The following CLPB variants were observed in gnomAD, a reference collection of about 807,000 sequenced individuals.
CLPB encodes ClpB family mitochondrial disaggregase, also known as mitochondrial disaggregase.
A neutral mutation model predicts 78.4 loss-of-function variants in CLPB; 40 were observed. The observed-to-expected ratio is 0.51, with a 90% CI of 0.40 to 0.66. The LOEUF (loss-of-function observed/expected upper bound fraction) is 0.66. Among genes scored for constraint, CLPB ranks in the 30% least tolerant of loss-of-function variants. The pLI, the probability that CLPB is intolerant of heterozygous loss-of-function variation, is 0.00. For synonymous variants in CLPB, 333 were observed against 348.0 expected, an observed-to-expected ratio of 0.96 and a Z score of 0.48; for missense variants, 780 against 886.9, an observed-to-expected ratio of 0.88 and a Z score of 1.53.
chr11:72,395,069 A>G (rs910808652), intron 3 of CLPB, among the ~76,000 whole-genome samples: 1 of 151,222 alleles, frequency 6.6e-6, no homozygotes, highest in South Asian at 2.1e-4. Context: ...ATCCTGCCCA[A>G]CTCCTCTGAA....
chr11:72,293,361 T>C lies in CLPB; in HGVS notation c.*6A>G. The C allele has an allele frequency of 6.2e-7, 1 of 1,611,626 alleles. No homozygotes were observed. The highest frequency in any genetic ancestry group is 1.1e-5 in the South Asian group (1 of 91,000). On this transcript the variant is annotated 3_prime_UTR_variant, in exon 16 of 16. Coordinates refer to ENST00000538039, the MANE Select transcript of CLPB (RefSeq NM_001258392.3). ...GTGAGGGCACATAGGAGCAGGCAGGTGGCTGCTAGATGGTGTTGCACACCT... is the reference window on the plus strand; with the variant it reads ...GTGAGGGCACATAGGAGCAGGCAGGCGGCTGCTAGATGGTGTTGCACACCT...
At chr11:72,335,923 C>T (rs1345428672) in intron 5 of CLPB, among the ~76,000 whole-genome samples, 1 of 152,138 alleles carries the variant, frequency 6.6e-6, no homozygotes, top group Non-Finnish European at 1.5e-5. Flanking sequence ...CCAAAGTCCC[C>T]AGTTTCTTTG....
intron 11 of CLPB, among the ~76,000 whole-genome samples, chr11:72,295,955 C>T (rs1949544483): frequency 6.6e-6 from 1 of 152,204 alleles, no homozygotes; most frequent in African/African-American, 2.4e-5. Flanking sequence ...CACAGTTAGC[C>T]ATTCATTTGT....
chr11:72,434,054 C>T lies in CLPB; in HGVS notation c.403+18G>A. On this transcript the variant is annotated intron_variant, in intron 1 of 15. Transcript: ENST00000538039. The stretch of plus-strand genomic sequence containing the variant: ...TCTTCCCGCCTCTCCCTTCCTCAAA[C>T]CCAGATCTCATAATCACCCTTGTTG... 4 of 1,606,250 alleles carry T rather than the reference C, an allele frequency of 2.5e-6. No individual in the cohort carries two copies. Among genetic ancestry groups the T allele is most frequent in the Non-Finnish European group, 2.5e-6 (3 of 1,179,084 alleles).
intron 3 of CLPB, among the ~76,000 whole-genome samples, chr11:72,398,242 G>A (rs1855464420): frequency 6.6e-6 from 1 of 152,210 alleles, no homozygotes; most frequent in African/African-American, 2.4e-5. Flanking sequence ...AAACAGGCCT[G>A]GCAGGCCCTG....
chr11:72,398,870 C>T (rs967956818), intron 3 of CLPB, among the ~76,000 whole-genome samples: 1 of 152,198 alleles, frequency 6.6e-6, no homozygotes, highest in African/African-American at 2.4e-5. Context: ...AAAGCTTTGG[C>T]AGCACGGCTA....
intron 4 of CLPB, among the ~76,000 whole-genome samples, chr11:72,359,864 C>G (rs1316673834): frequency 6.6e-6 from 1 of 152,162 alleles, no homozygotes; most frequent in African/African-American, 2.4e-5. Flanking sequence ...CACTCTAGTG[C>G]TAATATTTGT....
chr11:72,397,614 T>G (rs1348910623), intron 3 of CLPB, among the ~76,000 whole-genome samples: 3 of 152,228 alleles, frequency 2.0e-5, no homozygotes, highest in Non-Finnish European at 4.4e-5. Flanking sequence ...GCACTGAGTA[T>G]GTTTTCATGT....
chr11:72,300,978 C>T (rs531213079), intron 11 of CLPB, among the ~76,000 whole-genome samples: 4 of 152,168 alleles, frequency 2.6e-5, no homozygotes, highest in Non-Finnish European at 5.9e-5. Flanking sequence ...TCAGACATAT[C>T]TGCAGCCCAA....
intron 2 of CLPB, among the ~76,000 whole-genome samples, chr11:72,423,780 G>A (rs927179872): frequency 1.3e-5 from 2 of 152,166 alleles, no homozygotes; most frequent in Admixed American, 1.3e-4. Flanking sequence ...GACCCAGTGT[G>A]GTATGGTCCC....
intron 6 of CLPB, among the ~76,000 whole-genome samples, chr11:72,323,882 A>G (rs1950087665): frequency 6.6e-6 from 1 of 152,078 alleles, no homozygotes; most frequent in Non-Finnish European, 1.5e-5. Context: ...TTTAGGAAAT[A>G]CATACAAATA....
At chr11:72,347,195 C>T (rs535525478) in intron 5 of CLPB, among the ~76,000 whole-genome samples, 1 of 152,180 alleles carries the variant, frequency 6.6e-6, no homozygotes, top group African/African-American at 2.4e-5. Context: ...GCGATGGGTG[C>T]TAATTCTAGG....
intron 4 of CLPB, among the ~76,000 whole-genome samples, chr11:72,374,236 T>C (rs1951098714): frequency 6.6e-6 from 1 of 152,212 alleles, no homozygotes; most frequent in African/African-American, 2.4e-5. Context: ...AATGTCACTG[T>C]GCTTTAAATA....
intron 3 of CLPB, among the ~76,000 whole-genome samples, chr11:72,384,866 C>T (rs1855029419): frequency 6.6e-6 from 1 of 152,038 alleles, no homozygotes; most frequent in African/African-American, 2.4e-5. Context: ...AATATATATG[C>T]ACCTAACATC....
intron 5 of CLPB, among the ~76,000 whole-genome samples, chr11:72,340,395 G>A (rs1348687652): frequency 6.6e-6 from 1 of 152,108 alleles, no homozygotes; most frequent in African/African-American, 2.4e-5. Flanking sequence ...AGGAGGGATC[G>A]ATACGGAATT....
intron 4 of CLPB, among the ~76,000 whole-genome samples, chr11:72,376,026 C>T (rs897459716): frequency 5.3e-5 from 8 of 152,172 alleles, no homozygotes; most frequent in African/African-American, 1.9e-4. Context: ...ATGGACTTGG[C>T]AGTGACTCCA....
intron 11 of CLPB, among the ~76,000 whole-genome samples, chr11:72,296,861 C>T (rs938069158): frequency 1.4e-4 from 22 of 152,134 alleles, no homozygotes; most frequent in Non-Finnish European, 2.9e-5. Flanking sequence ...AGGACCCCTA[C>T]AAAGAAACTG....
chr11:72,307,757 T>C (rs990670726), intron 8 of CLPB, among the ~76,000 whole-genome samples: 2 of 152,184 alleles, frequency 1.3e-5, no homozygotes, highest in Non-Finnish European at 2.9e-5. Flanking sequence ...ATGACAATAC[T>C]GAAGTGGGGG....
intron 3 of CLPB, among the ~76,000 whole-genome samples, chr11:72,390,446 C>A (rs1359128174): frequency 6.9e-4 from 61 of 88,250 alleles, no homozygotes; most frequent in Admixed American, 8.3e-4. Flanking sequence ...AAAAAAAAAA[C>A]GAAATAGAAA....
Sources: gnomAD v4.1 joint callset for allele counts (sites outside exome capture counted in the v4.1 genomes callset) on GRCh38, gnomAD v4.1.1 for gene constraint, MANE v1.5 for transcripts, NCBI Gene and HGNC (gene_info 2026-07-23, HGNC 2026-07-21) for gene names.